NLRP7: variants seen among roughly 807,000 people sequenced by gnomAD.
The protein encoded by NLRP7 is NACHT, LRR and PYD domains-containing protein 7.
A neutral mutation model predicts 85.5 loss-of-function variants in NLRP7; 72 were observed. The ratio of observed to expected loss-of-function variants is 0.84; its 90% CI spans 0.70 to 1.02. NLRP7 has a LOEUF of 1.02. Ranked by LOEUF, NLRP7 falls within the 50% of genes least tolerant of loss-of-function variation. The probability of loss-of-function intolerance (pLI) is 0.00; values close to 1 mark genes in which losing one functional copy is unlikely to be tolerated. For missense variants in NLRP7, 1,243 were observed against 1,219.5 expected (o/e 1.02, Z -0.29); for synonymous variants, 550 against 505.2 (o/e 1.09, Z -1.19).
intron 1 of NLRP7, among the ~76,000 whole-genome samples, chr19:54,944,544 G>T (rs78429044): frequency 2.0e-5 from 3 of 151,556 alleles, no homozygotes; most frequent in African/African-American, 7.3e-5. Context: ...CGGCCGGCGC[G>T]GGTCTCCTGA....
chr19:54,941,528 A>G, exon 2 of NLRP7: 1 of 1,613,834 alleles, frequency 6.2e-7, no homozygotes, highest in Non-Finnish European at 8.5e-7. Context: ...TTTTCTGAGG[A>G]GGTGTTGACC....
chr19:54,924,532 G>A (rs1423008786), intron 9 of NLRP7, among the ~76,000 whole-genome samples: 1 of 152,286 alleles, frequency 6.6e-6, no homozygotes, highest in Non-Finnish European at 1.5e-5. Flanking sequence ...GCGGAGGCAA[G>A]AGGATCACTT....
rs7248636 is a variant in NLRP7, at chr19:54,947,433, G to A, written c.-40+36C>T. On this transcript the variant is annotated intron_variant, in intron 1 of 9. Coordinates refer to ENST00000340844, the Ensembl canonical transcript of NLRP7. ...CAATAGCTTCTTCTCCCTTAAACGAGAAGACAAAGAAATCGATGCAAGAAC... is the reference window on the plus strand; with the variant it reads ...CAATAGCTTCTTCTCCCTTAAACGAAAAGACAAAGAAATCGATGCAAGAAC... The A allele has an allele frequency of 0.087, 111,141 of 1,283,360 alleles. 5,318 individuals are homozygous for A. The highest frequency in any genetic ancestry group is 0.094 in the Middle Eastern group (435 of 4,644). The allele number at this position is 1,283,360 out of a possible 1,614,324, so 79.5% of individuals were successfully genotyped here. A position where few individuals can be genotyped will look rare whatever the true frequency, so the allele number is the denominator to read the frequency against.
intron 1 of NLRP7, among the ~76,000 whole-genome samples, chr19:54,958,489 AAGTT>A (rs1357097275): frequency 6.6e-6 from 1 of 151,624 alleles, no homozygotes; most frequent in East Asian, 2.0e-4. Flanking sequence ...AAAATACAAA[AAGTT>A]AGCTAGCTGG....
At chr19:54,958,937 A>G (rs947636580) in intron 1 of NLRP7, among the ~76,000 whole-genome samples, 1 of 152,058 alleles carries the variant, frequency 6.6e-6, no homozygotes, top group Non-Finnish European at 1.5e-5. Context: ...GTCAGAGAGA[A>G]AGAATAGGGC....
chr19:54,944,998 G>C (rs2069402954), intron 1 of NLRP7, among the ~76,000 whole-genome samples: 1 of 151,946 alleles, frequency 6.6e-6, no homozygotes, highest in South Asian at 2.1e-4. Flanking sequence ...CCAGCACTAT[G>C]GGAGGCCGAG....
chr19:54,934,613 A>G lies in NLRP7; in HGVS notation c.2347T>C (p.Tyr783His). Residue 783 changes from tyrosine to histidine, a missense_variant, in exon 7 of 10, where the codon TAT becomes CAT. Tyr to His is a moderately conservative substitution (Grantham distance 83). Transcript: ENST00000340844. This position sits in a 1 kb window ranked among gnomAD's most constrained non-coding sequence, Gnocchi z 6.7. ...AGGGACTGGTTGGCTTTGAGGACAT[A>G]GAAGAATTCAGCCCACTGCTCCGGG... 2 of 1,614,094 alleles carry G rather than the reference A, an allele frequency of 1.2e-6. No individual in the cohort carries two copies. Among genetic ancestry groups the G allele is most frequent in the Non-Finnish European group, 1.7e-6 (2 of 1,179,978 alleles).
chr19:54,947,868 T>C (rs960961911), upstream of NLRP7: 4 of 235,466 alleles, frequency 1.7e-5, no homozygotes, highest in Non-Finnish European at 3.5e-5. Context: ...GAAAAAAAAT[T>C]AAACAAAAAT....
intron 1 of NLRP7, among the ~76,000 whole-genome samples, chr19:54,963,694 C>T (rs1212887283): frequency 1.3e-5 from 2 of 151,418 alleles, no homozygotes; most frequent in African/African-American, 4.8e-5. Context: ...TACAGTGGCA[C>T]GCGCCTGTAA....
chr19:54,924,326 GA>G (rs951058702), intron 9 of NLRP7, among the ~76,000 whole-genome samples: 93 of 152,066 alleles, frequency 6.1e-4, no homozygotes, highest in African/African-American at 2.2e-3. Flanking sequence ...ATAAGTCTAA[GA>G]AAAAAAAGAT....
chr19:54,931,014 C>A (rs552099393), intron 8 of NLRP7, among the ~76,000 whole-genome samples: 1 of 152,014 alleles, frequency 6.6e-6, no homozygotes, highest in Non-Finnish European at 1.5e-5. Context: ...CAGAGCGAGA[C>A]TCCGTCTCAA....
In NLRP7 at chr19:54,934,716, C is replaced by CT. The variant is rs575160738; in HGVS notation, c.2301-58dup. 68,501 of 1,001,238 alleles carry CT rather than the reference C, an allele frequency of 0.068. 4 individuals are homozygous for CT. The highest frequency in any genetic ancestry group is 0.094 in the South Asian group (4,577 of 48,748). 62.0% of individuals were successfully genotyped at this position (1,001,238 alleles called of 1,614,324 possible). ...GGGAGGACAGAGTATACCCTATCAG[C>CT]TTTTTTTTTTTGAGACAGAGTTTCA... On this transcript the variant is annotated intron_variant, in intron 6 of 9. Coordinates refer to ENST00000340844, the Ensembl canonical transcript of NLRP7. This position sits in a 1 kb window ranked among gnomAD's most constrained non-coding sequence, Gnocchi z 6.7.
chr19:54,964,315 C>T (rs2070214555), intron 1 of NLRP7, among the ~76,000 whole-genome samples: 1 of 143,022 alleles, frequency 7.0e-6, no homozygotes, highest in African/African-American at 2.6e-5. Context: ...CTCCCGGGTT[C>T]ACGCCATTCT....
chr19:54,963,426 G>A (rs935408085), intron 1 of NLRP7, among the ~76,000 whole-genome samples: 5 of 151,718 alleles, frequency 3.3e-5, no homozygotes, highest in South Asian at 2.1e-4. Flanking sequence ...GCGGTGGTTC[G>A]TGCCTGCAAC....
intron 9 of NLRP7, among the ~76,000 whole-genome samples, chr19:54,927,241 C>T (rs1170037724): frequency 1.3e-5 from 2 of 150,940 alleles, no homozygotes; most frequent in African/African-American, 2.4e-5. Flanking sequence ...ATTAGCCAGG[C>T]ATGGTGGCAG....
intron 9 of NLRP7, among the ~76,000 whole-genome samples, chr19:54,928,734 A>G (rs2068548728): frequency 6.6e-6 from 1 of 152,200 alleles, no homozygotes; most frequent in Admixed American, 6.6e-5. Flanking sequence ...GTGAGAAAGT[A>G]GAATGATTTA....
intron 1 of NLRP7, among the ~76,000 whole-genome samples, chr19:54,958,144 T>C (rs2069919965): frequency 6.6e-6 from 1 of 151,332 alleles, no homozygotes; most frequent in African/African-American, 2.4e-5. Context: ...GGTTTGGGAT[T>C]TTCTCCCTGA....
intron 1 of NLRP7, among the ~76,000 whole-genome samples, chr19:54,953,629 T>C (rs1333632201): frequency 1.3e-5 from 2 of 151,482 alleles, no homozygotes; most frequent in Non-Finnish European, 2.9e-5. Flanking sequence ...TTCTGCCTTT[T>C]AGTTTTTACT....
chr19:54,947,414 C>A (rs756489334), intron 1 of NLRP7, 55 bp downstream of exon 1: 19 of 1,231,270 alleles, frequency 1.5e-5, no homozygotes, highest in Non-Finnish European at 1.9e-5. Context: ...CAACCAATAG[C>A]TTCTTCTCCC....
Sources: allele counts gnomAD v4.1 joint callset (sites outside exome capture counted in the v4.1 genomes callset), GRCh38; gene constraint gnomAD v4.1.1; non-coding constraint Gnocchi (gnomAD v3.1); transcripts MANE v1.5; gene names NCBI Gene and HGNC (gene_info 2026-07-23, HGNC 2026-07-21).